The following TRDN variants were observed in gnomAD, a reference collection of about 807,000 sequenced individuals.
The protein encoded by TRDN is triadin.
TRDN carries 161 observed loss-of-function variants against 149.7 expected under a neutral mutation model. The observed-to-expected ratio is 1.08, with a 90% CI of 0.95 to 1.23. The LOEUF (loss-of-function observed/expected upper bound fraction) is 1.23. TRDN is among the 50% of genes most tolerant of loss of function. TRDN has a pLI of 0.00. For synonymous variants in TRDN, 294 were observed against 250.5 expected, an observed-to-expected ratio of 1.17 and a Z score of -1.64; for missense variants, 896 against 823.5, an observed-to-expected ratio of 1.09 and a Z score of -1.08.
intron 12 of TRDN, among the ~76,000 whole-genome samples, chr6:123,416,312 A>T (rs1318984133): frequency 6.6e-6 from 1 of 151,958 alleles, no homozygotes; most frequent in Non-Finnish European, 1.5e-5. Context: ...GGTTAACTTC[A>T]CCTCCTACCA....
At chr6:123,352,639 C>A in intron 20 of TRDN, 53 bp from the exon 21 acceptor site, 1 of 1,559,288 alleles carries the variant, frequency 6.4e-7, no homozygotes, top group Non-Finnish European at 8.6e-7. Flanking sequence ...AATACTGCTT[C>A]TGCTCAAAAA....
rs568046453 is a variant in TRDN at position 123,220,671 on chromosome 6, A to T, written c.2050+816T>A. ...TGTCTAATGAATCACCTATTAATAC[A>T]GAGTAGGAGGCATTTGCTATTGTAA... is the stretch of plus-strand genomic sequence containing the variant. On this transcript the variant is annotated intron_variant, in intron 40 of 40. Coordinates refer to ENST00000334268, the MANE Select transcript of TRDN (RefSeq NM_006073.4). Among the ~76,000 whole-genome samples the T allele has an allele frequency of 2.0e-5, 3 of 151,910 alleles. 1 individual carries two copies. The South Asian group carries it at 6.2e-4, about 31-fold the overall frequency.
chr6:123,425,072 CAT>C (rs1480820304), intron 12 of TRDN, among the ~76,000 whole-genome samples: 6 of 151,904 alleles, frequency 3.9e-5, no homozygotes, highest in African/African-American at 1.5e-4. Flanking sequence ...AGCTACTAAA[CAT>C]ATTTCAAAGG....
At chr6:123,607,029 T>A (rs994302076) in intron 1 of TRDN, among the ~76,000 whole-genome samples, 1 of 152,168 alleles carries the variant, frequency 6.6e-6, no homozygotes, top group Admixed American at 6.6e-5. Context: ...ACTGAAAGAA[T>A]CTTGAGGGTT....
intron 19 of TRDN, among the ~76,000 whole-genome samples, chr6:123,372,927 G>T (rs1254042006): frequency 1.3e-5 from 2 of 152,098 alleles, no homozygotes; most frequent in Non-Finnish European, 2.9e-5. Context: ...ATAAATAAAG[G>T]AGTCTTTGCT....
At chr6:123,439,823 G>A (rs1304662172) in intron 10 of TRDN, 1 of 152,186 alleles carries the variant, frequency 6.6e-6, no homozygotes, top group Middle Eastern at 3.2e-3. Context: ...CTAATACATA[G>A]TTGTTGAAAT....
At chr6:123,612,405 T>G (rs9401688) in intron 1 of TRDN, among the ~76,000 whole-genome samples, 64,834 of 151,000 alleles carry the variant, frequency 0.43, 15,605 homozygotes, top group African/African-American at 0.66. Context: ...AATTTAAAGT[T>G]TAATAATAAT....
At chr6:123,416,994 C>T (rs116126558) in intron 12 of TRDN, among the ~76,000 whole-genome samples, 1,842 of 152,292 alleles carry the variant, frequency 0.012, 36 homozygotes, top group African/African-American at 0.041. Context: ...TGAGCCACCA[C>T]GCCCAGCCAC....
At chr6:123,492,912 A>G (rs1056214746) in intron 9 of TRDN, among the ~76,000 whole-genome samples, 1 of 152,096 alleles carries the variant, frequency 6.6e-6, no homozygotes, top group Non-Finnish European at 1.5e-5. Context: ...AAGACGAATC[A>G]ATCTCTTTCT....
At chr6:123,250,764 G>A (rs1239880799) in intron 38 of TRDN, among the ~76,000 whole-genome samples, 1 of 151,842 alleles carries the variant, frequency 6.6e-6, no homozygotes, top group East Asian at 1.9e-4. Context: ...ATGAAGTTAG[G>A]TGTCCCAATA....
At chr6:123,387,651 A>C (rs1226539260) in intron 14 of TRDN, among the ~76,000 whole-genome samples, 2 of 152,172 alleles carry the variant, frequency 1.3e-5, no homozygotes, top group African/African-American at 4.8e-5. Context: ...AGAGACCCAC[A>C]GGAGTCCTTG....
intron 12 of TRDN, among the ~76,000 whole-genome samples, chr6:123,430,219 G>A (rs967729035): frequency 2.0e-5 from 3 of 151,668 alleles, no homozygotes; most frequent in African/African-American, 7.3e-5. Context: ...GCAGTGAGGC[G>A]AGATTACACT....
rs77841703 is a variant in TRDN, at chr6:123,517,741, C to T, written c.485-1535G>A. 2.7e-3 allele frequency among the ~76,000 whole-genome samples: 413 copies of T among 152,060 alleles called. 1 individual carries two copies. The highest frequency in any genetic ancestry group is 0.017 in the Middle Eastern group (5 of 294). ...TAGAATTACCACACCCACATTCATTCGTTTTCCTTTCCCTATTCCATGCAC... is the reference window on the plus strand; with the variant it reads ...TAGAATTACCACACCCACATTCATTTGTTTTCCTTTCCCTATTCCATGCAC... On this transcript the variant is annotated intron_variant, in intron 5 of 40. Coordinates refer to ENST00000334268, the MANE Select transcript of TRDN (RefSeq NM_006073.4).
intron 9 of TRDN, among the ~76,000 whole-genome samples, chr6:123,486,476 A>T (rs936084569): frequency 1.3e-5 from 2 of 152,004 alleles, no homozygotes; most frequent in Admixed American, 6.6e-5. Context: ...TGATCCTTCA[A>T]CTAAAAGAGT....
At position 123,464,898 on chromosome 6, in the gene TRDN, G is replaced by T; in HGVS notation, c.931+8C>A. On this transcript the variant is annotated splice_region_variant and intron_variant, in intron 10 of 40. Transcript: ENST00000334268. ...ATAGAGATCTTTAAGAAAAAAAAAAGTACTTGCCTTCAAGGGCAGGTGATG... is the reference window on the plus strand; with the variant it reads ...ATAGAGATCTTTAAGAAAAAAAAAATTACTTGCCTTCAAGGGCAGGTGATG... 1 of 1,567,152 alleles carries T rather than the reference G, an allele frequency of 6.4e-7. No homozygotes were observed.
intron 30 of TRDN, among the ~76,000 whole-genome samples, chr6:123,270,631 A>T (rs1777175096): frequency 6.6e-6 from 1 of 151,940 alleles, no homozygotes. Context: ...TCTCATATGA[A>T]CTAATGATAG....
At chr6:123,526,419 A>T (rs1359523918) in intron 5 of TRDN, among the ~76,000 whole-genome samples, 1 of 151,994 alleles carries the variant, frequency 6.6e-6, no homozygotes, top group Non-Finnish European at 1.5e-5. Flanking sequence ...GGTGCTACAG[A>T]CTCAGCAGGC....
chr6:123,622,738 C>G (rs1785463621), intron 1 of TRDN, among the ~76,000 whole-genome samples: 1 of 151,996 alleles, frequency 6.6e-6, no homozygotes, highest in African/African-American at 2.4e-5. Flanking sequence ...CGCATTTTGG[C>G]CTCTAGCTCA....
intron 28 of TRDN, 100 bp downstream of exon 28, chr6:123,273,237 C>T (rs765934980): frequency 1.1e-5 from 10 of 931,278 alleles, no homozygotes; most frequent in Non-Finnish European, 1.5e-5. Context: ...TGTAATAAAA[C>T]ATAAATATAA....
Sources: gnomAD v4.1 joint callset for allele counts (sites outside exome capture counted in the v4.1 genomes callset) on GRCh38, gnomAD v4.1.1 for gene constraint, MANE v1.5 for transcripts, NCBI Gene and HGNC (gene_info 2026-07-23, HGNC 2026-07-21) for gene names.